Variants in CACNA2D1 observed in about 807,000 individuals in gnomAD.
CACNA2D1 encodes the protein calcium voltage-gated channel auxiliary subunit alpha2delta 1, also known as voltage-dependent calcium channel subunit alpha-2/delta-1.
In CACNA2D1, 53 loss-of-function variants were observed where a neutral mutation model predicts 171.5. The observed-to-expected ratio is 0.31, with a 90% CI of 0.25 to 0.39. The LOEUF (loss-of-function observed/expected upper bound fraction) is 0.39. Ranked by LOEUF, CACNA2D1 falls within the 10% of genes least tolerant of loss-of-function variation. The pLI is 1.00. For missense variants in CACNA2D1, 903 were observed against 1,299.8 expected, an observed-to-expected ratio of 0.69 and a Z score of 4.69; for synonymous variants, 442 against 443.1, an observed-to-expected ratio of 1.00 and a Z score of 0.03.
intron 1 of CACNA2D1, among the ~76,000 whole-genome samples, chr7:82,428,003 A>G (rs891905501): frequency 6.6e-6 from 1 of 152,156 alleles, no homozygotes; most frequent in Non-Finnish European, 1.5e-5. Context: ...AGCCTGGCCA[A>G]CATAGTGAGA....
chr7:82,307,042 G>A (rs1396372456), intron 3 of CACNA2D1, among the ~76,000 whole-genome samples: 1 of 152,152 alleles, frequency 6.6e-6, no homozygotes, highest in African/African-American at 2.4e-5. Context: ...CTAGTGGCTA[G>A]GGTTCTATGC....
At chr7:82,037,640 C>G (rs1007686583) in intron 11 of CACNA2D1, among the ~76,000 whole-genome samples, 1 of 152,102 alleles carries the variant, frequency 6.6e-6, no homozygotes, top group African/African-American at 2.4e-5. Context: ...TTGGAACTTT[C>G]TGTACATTTT....
chr7:82,312,411 T>C (rs910042146), intron 3 of CACNA2D1, among the ~76,000 whole-genome samples: 2 of 152,172 alleles, frequency 1.3e-5, no homozygotes, highest in Non-Finnish European at 2.9e-5. Context: ...AAACTGGAGC[T>C]GGACAATCTG....
At chr7:82,048,234 A>T (rs1804774226) in intron 10 of CACNA2D1, among the ~76,000 whole-genome samples, 1 of 152,158 alleles carries the variant, frequency 6.6e-6, no homozygotes, top group South Asian at 2.1e-4. Context: ...CATCTGGAAA[A>T]CTTAGAGCAT....
chr7:81,983,768 T>C (rs899654221), intron 22 of CACNA2D1, among the ~76,000 whole-genome samples: 4 of 152,184 alleles, frequency 2.6e-5, no homozygotes, highest in African/African-American at 9.7e-5. Flanking sequence ...AAATGTACTA[T>C]GTATAATGCA....
chr7:82,240,732 G>A (rs1265455047), intron 3 of CACNA2D1, among the ~76,000 whole-genome samples: 4 of 152,112 alleles, frequency 2.6e-5, no homozygotes, highest in South Asian at 2.1e-4. Context: ...ACTTTGGGAG[G>A]ACGAGGCGGG....
chr7:82,111,294 A>G (rs553217389), intron 6 of CACNA2D1, among the ~76,000 whole-genome samples: 991 of 44,234 alleles, frequency 0.022, 28 homozygotes, highest in Admixed American at 0.16. Context: ...ATGTCTGGGT[A>G]TATATATATA....
At chr7:82,030,496 A>G (rs376466521) in intron 12 of CACNA2D1, among the ~76,000 whole-genome samples, 23 of 151,784 alleles carry the variant, frequency 1.5e-4, no homozygotes, top group African/African-American at 5.1e-4. Context: ...TCCACCTGAA[A>G]AAACCTTTAT....
At chr7:82,327,237 A>C (rs1208031870) in intron 3 of CACNA2D1, among the ~76,000 whole-genome samples, 6 of 152,216 alleles carry the variant, frequency 3.9e-5, no homozygotes, top group Non-Finnish European at 5.9e-5. Flanking sequence ...TGTTCAGAGA[A>C]GCAGTGGCCT....
intron 22 of CACNA2D1, among the ~76,000 whole-genome samples, chr7:81,983,771 A>G (rs1207337475): frequency 6.6e-6 from 1 of 152,222 alleles, no homozygotes; most frequent in African/African-American, 2.4e-5. Context: ...TGTACTATGT[A>G]TAATGCACAG....
At chr7:82,298,273 C>T (rs928674687) in intron 3 of CACNA2D1, among the ~76,000 whole-genome samples, 1 of 152,072 alleles carries the variant, frequency 6.6e-6, no homozygotes, top group Admixed American at 6.6e-5. Flanking sequence ...TCTGAGTGTA[C>T]TAGTATATAT....
At chr7:82,177,166 C>A (rs1796631044) in intron 3 of CACNA2D1, among the ~76,000 whole-genome samples, 1 of 149,164 alleles carries the variant, frequency 6.7e-6, no homozygotes, top group African/African-American at 2.5e-5. Flanking sequence ...CTCGAGCCTA[C>A]CACCCCAGAA....
intron 1 of CACNA2D1, among the ~76,000 whole-genome samples, chr7:82,406,054 G>C (rs903178427): frequency 6.6e-6 from 1 of 151,158 alleles, no homozygotes; most frequent in Non-Finnish European, 1.5e-5. Flanking sequence ...CCAACCCTAC[G>C]ACAGGCCCCG....
intron 12 of CACNA2D1, among the ~76,000 whole-genome samples, chr7:82,018,877 T>C (rs1462100277): frequency 6.7e-6 from 1 of 148,640 alleles, no homozygotes; most frequent in East Asian, 2.0e-4. Flanking sequence ...CCAGCTACCC[T>C]AGGGTGCTGA....
chr7:81,990,212 C>T (rs765443402), intron 21 of CACNA2D1, among the ~76,000 whole-genome samples: 3 of 151,820 alleles, frequency 2.0e-5, no homozygotes, highest in Admixed American at 6.6e-5. Context: ...ATTACAAGCC[C>T]GTGATAGCAA....
At chr7:82,212,359 A>C (rs1406478124) in intron 3 of CACNA2D1, among the ~76,000 whole-genome samples, 3 of 152,232 alleles carry the variant, frequency 2.0e-5, no homozygotes, top group Non-Finnish European at 4.4e-5. Context: ...AAAATGATTC[A>C]TTGTTTATCT....
chr7:82,401,581 A>G (rs1826425309), intron 1 of CACNA2D1, among the ~76,000 whole-genome samples: 1 of 150,302 alleles, frequency 6.7e-6, no homozygotes, highest in South Asian at 2.1e-4. Flanking sequence ...GGGGAGGGAT[A>G]GCATTAGGAG....
intron 10 of CACNA2D1, among the ~76,000 whole-genome samples, chr7:82,055,930 G>GTA (rs58786082): frequency 0.83 from 92,918 of 111,346 alleles, 39,340 homozygotes; most frequent in South Asian, 0.92. Context: ...GTGTGTGTGT[G>GTA]TATATATATA....
chr7:81,993,559 G>T (rs1272319174), intron 20 of CACNA2D1, among the ~76,000 whole-genome samples: 1 of 152,094 alleles, frequency 6.6e-6, no homozygotes, highest in Non-Finnish European at 1.5e-5. Context: ...GCTTTTGAAA[G>T]ATATCACCTT....
Sources: gnomAD v4.1 joint callset for allele counts (sites outside exome capture counted in the v4.1 genomes callset) on GRCh38, gnomAD v4.1.1 for gene constraint, MANE v1.5 for transcripts, NCBI Gene and HGNC (gene_info 2026-07-23, HGNC 2026-07-21) for gene names.